The following ASB7 variants were observed in gnomAD, a reference collection of about 807,000 sequenced individuals.
ASB7 encodes the protein ankyrin repeat and SOCS box protein 7.
In ASB7, 4 loss-of-function variants were observed where a neutral mutation model predicts 32.5. The ratio of observed to expected loss-of-function variants is 0.12; its 90% CI spans 0.06 to 0.28. The LOEUF is 0.28. ASB7 is among the 10% of genes least tolerant of loss of function. ASB7 has a pLI of 1.00. For missense variants in ASB7, 181 were observed against 407.1 expected, an observed-to-expected ratio of 0.44 and a Z score of 4.78; for synonymous variants, 172 against 155.6, an observed-to-expected ratio of 1.11 and a Z score of -0.78.
chr15:100,604,476 A>C (rs573967529), intron 2 of ASB7, among the ~76,000 whole-genome samples: 5 of 152,328 alleles, frequency 3.3e-5, no homozygotes, highest in African/African-American at 9.6e-5. Flanking sequence ...TTAAAATAGC[A>C]GAAGTTAATA....
At chr15:100,631,112 AATT>A (rs2039879997) in intron 5 of ASB7, among the ~76,000 whole-genome samples, 1 of 152,192 alleles carries the variant, frequency 6.6e-6, no homozygotes, top group Non-Finnish European at 1.5e-5. Flanking sequence ...GAAAAGATGC[AATT>A]ATTATCACTA....
intron 5 of ASB7, among the ~76,000 whole-genome samples, chr15:100,632,655 A>G (rs34589364): frequency 0.16 from 24,185 of 152,128 alleles, 2,475 homozygotes; most frequent in Non-Finnish European, 0.23. Flanking sequence ...ATGATTGGAG[A>G]TCGCAGACTG....
At chr15:100,610,895 G>A (rs545517694) in intron 3 of ASB7, among the ~76,000 whole-genome samples, 10 of 152,216 alleles carry the variant, frequency 6.6e-5, no homozygotes, top group Non-Finnish European at 1.5e-4. Context: ...CACACCTGGA[G>A]TGGCTTTCTG....
chr15:100,645,929 T>TGG (rs2039994504), intron 5 of ASB7: 1 of 614,190 alleles, frequency 1.6e-6, no homozygotes, highest in Non-Finnish European at 3.1e-6. Flanking sequence ...AAGGTCACTA[T>TGG]GGGAGTCCTT....
rs2040020052 is a variant in ASB7 at position 100,649,905 on chromosome 15, C to G, written c.*1443C>G. ...CAGAAGTTTACAAGACGAAGGGCTT[C>G]TCTCGTCTGAATTTCTAGATTTAAG... On this transcript the variant is annotated 3_prime_UTR_variant, in exon 6 of 6. Transcript: ENST00000332783. The G allele has an allele frequency of 6.6e-6, 1 of 152,232 alleles. No homozygotes were observed. Among genetic ancestry groups the G allele is most frequent in the Non-Finnish European group, 1.5e-5 (1 of 68,048 alleles). 9.4% of individuals were successfully genotyped at this position (152,232 alleles called of 1,614,324 possible).
At chr15:100,631,250 C>T (rs1009225178) in intron 5 of ASB7, among the ~76,000 whole-genome samples, 5 of 152,192 alleles carry the variant, frequency 3.3e-5, no homozygotes, top group African/African-American at 1.2e-4. Context: ...CCACTGGTCC[C>T]ATGTGGCTGC....
At chr15:100,609,194 T>C (rs1291382364) in intron 2 of ASB7, among the ~76,000 whole-genome samples, 3 of 152,334 alleles carry the variant, frequency 2.0e-5, no homozygotes, top group African/African-American at 7.2e-5. Context: ...TCAAAGTGAT[T>C]GACTTGATGC....
chr15:100,610,180 G>C (rs1259797159), intron 3 of ASB7, among the ~76,000 whole-genome samples: 1 of 152,182 alleles, frequency 6.6e-6, no homozygotes, highest in Non-Finnish European at 1.5e-5. Context: ...TTTTTGTGAA[G>C]GAATTGAGAG....
rs537799961 is a variant in ASB7, at chr15:100,641,642, C to T, written c.818-6681C>T. The stretch of plus-strand genomic sequence containing the variant: ...CCAGTTTGCTCAGGACTGTTTCCCA[C>T]TAATGGGTTTCCAGTTGCTTCTTTA... On this transcript the variant is annotated intron_variant, in intron 5 of 5. Coordinates refer to ENST00000332783, the MANE Select transcript of ASB7 (RefSeq NM_198243.3). Among the ~76,000 whole-genome samples, 6 of 152,340 alleles carry T rather than the reference C, an allele frequency of 3.9e-5. No individual in the cohort carries two copies. The South Asian group carries it at 1.2e-3, about 32-fold the overall frequency.
At chr15:100,647,429 A>C (rs930796713) in intron 5 of ASB7, among the ~76,000 whole-genome samples, 3 of 152,210 alleles carry the variant, frequency 2.0e-5, no homozygotes, top group Admixed American at 2.0e-4. Context: ...TATTAGCTTT[A>C]TTATCATGTT....
chr15:100,603,604 C>T (rs1344379277), intron 2 of ASB7, among the ~76,000 whole-genome samples: 1 of 152,128 alleles, frequency 6.6e-6, no homozygotes, highest in South Asian at 2.1e-4. Flanking sequence ...GGCTTTGAGA[C>T]CTTTTTGTAG....
intron 5 of ASB7, among the ~76,000 whole-genome samples, chr15:100,638,879 G>T (rs929833344): frequency 1.3e-5 from 2 of 152,050 alleles, no homozygotes; most frequent in African/African-American, 4.8e-5. Context: ...GTATGATGTT[G>T]CCCTCTCTGT....
intron 4 of ASB7, among the ~76,000 whole-genome samples, chr15:100,622,391 T>C (rs2039801749): frequency 6.6e-6 from 1 of 152,190 alleles, no homozygotes; most frequent in African/African-American, 2.4e-5. Flanking sequence ...TCCAAGGCAA[T>C]TGGTAGATTC....
At chr15:100,622,276 A>G (rs1232990073) in intron 4 of ASB7, among the ~76,000 whole-genome samples, 1 of 152,184 alleles carries the variant, frequency 6.6e-6, no homozygotes, top group Non-Finnish European at 1.5e-5. Flanking sequence ...CTACAAGGAA[A>G]ACTACAAAGC....
At chr15:100,618,684 A>C (rs2039766176) in intron 4 of ASB7, among the ~76,000 whole-genome samples, 1 of 152,036 alleles carries the variant, frequency 6.6e-6, no homozygotes. Flanking sequence ...ATTCATATAG[A>C]TAGACAAGGT....
Position 100,629,358 on chromosome 15 carries a change from C to T in ASB7, c.212-79C>T. 7.7e-7 allele frequency: 1 copy of T among 1,304,292 alleles called. No homozygotes were observed. 80.8% of individuals were successfully genotyped at this position (1,304,292 alleles called of 1,614,324 possible). On this transcript the variant is annotated intron_variant, in intron 4 of 5. Transcript: ENST00000332783. The surrounding 1 kb of genome is among the most constrained non-coding windows in gnomAD (Gnocchi z 6.8). The stretch of plus-strand genomic sequence containing the variant: ...CTTCACATTTTATATGAGAATTGGC[C>T]ACAGTTTGCTGTGCCATGGTAATGT...
chr15:100,646,556 TA>T, intron 5 of ASB7: 1 of 400,308 alleles, frequency 2.5e-6, no homozygotes, highest in Non-Finnish European at 5.1e-6. Flanking sequence ...ATGATGTTAC[TA>T]AGGTCAACAC....
At position 100,629,329 on chromosome 15, in the gene ASB7, G is replaced by A; in HGVS notation, c.212-108G>A. Reference sequence around the variant, plus strand: ...TACTTGATATTCATTACAGTGTTTGGTTGCTTCACATTTTATATGAGAATT... The same window carrying A: ...TACTTGATATTCATTACAGTGTTTGATTGCTTCACATTTTATATGAGAATT... On this transcript the variant is annotated intron_variant, in intron 4 of 5. Coordinates refer to ENST00000332783, the MANE Select transcript of ASB7 (RefSeq NM_198243.3). The surrounding 1 kb of genome is among the most constrained non-coding windows in gnomAD (Gnocchi z 6.8). The A allele has an allele frequency of 1.0e-6, 1 of 996,712 alleles. No homozygotes were observed. Among genetic ancestry groups the A allele is most frequent in the African/African-American group, 1.6e-5 (1 of 61,760 alleles). The allele number at this position is 996,712 out of a possible 1,614,324, so 61.7% of individuals were successfully genotyped here. A position where few individuals can be genotyped will look rare whatever the true frequency, so the allele number is the denominator to read the frequency against.
At position 100,629,399 on chromosome 15, in the gene ASB7, G is replaced by A. The variant is rs779725074; in HGVS notation, c.212-38G>A. 1 of 1,532,794 alleles carries A rather than the reference G, an allele frequency of 6.5e-7. No individual in the cohort carries two copies. Among genetic ancestry groups the A allele is most frequent in the Non-Finnish European group, 8.9e-7 (1 of 1,121,192 alleles). 94.9% of individuals were successfully genotyped at this position (1,532,794 alleles called of 1,614,324 possible). On this transcript the variant is annotated intron_variant, in intron 4 of 5. Coordinates refer to ENST00000332783, the MANE Select transcript of ASB7 (RefSeq NM_198243.3). This position sits in a 1 kb window ranked among gnomAD's most constrained non-coding sequence, Gnocchi z 6.8. ...ATGGTAATGTTTGTTGTTTTGTCTTGGAGTCTGCTAATACTTTCATTTTGG... is the reference window on the plus strand; with the variant it reads ...ATGGTAATGTTTGTTGTTTTGTCTTAGAGTCTGCTAATACTTTCATTTTGG...
Sources: allele counts gnomAD v4.1 joint callset (sites outside exome capture counted in the v4.1 genomes callset), GRCh38; gene constraint gnomAD v4.1.1; non-coding constraint Gnocchi (gnomAD v3.1); transcripts MANE v1.5; gene names NCBI Gene and HGNC (gene_info 2026-07-23, HGNC 2026-07-21).